The following ACO1 variants were observed in gnomAD, a reference collection of about 807,000 sequenced individuals.
The protein encoded by ACO1 is aconitase 1.
In ACO1, 78 loss-of-function variants were observed where a neutral mutation model predicts 105.1. That is an observed-to-expected ratio of 0.74 (90% CI 0.62 to 0.90). The LOEUF is 0.90. ACO1 is among the 40% of genes least tolerant of loss of function. The pLI, the probability that ACO1 is intolerant of heterozygous loss-of-function variation, is 0.00. For synonymous variants in ACO1, 364 were observed against 397.4 expected (o/e 0.92, Z 1.00); for missense variants, 965 against 1,111.1 (o/e 0.87, Z 1.87).
In ACO1 at chr9:32,436,400, G is replaced by A. The variant is rs775318604; in HGVS notation, c.2247+3G>A. 2 of 1,613,858 alleles carry A rather than the reference G, an allele frequency of 1.2e-6. No homozygotes were observed. Among genetic ancestry groups the A allele is most frequent in the East Asian group, 4.5e-5 (2 of 44,886 alleles). ...TCCATCTGCCTTCTGGGGAAATCGT[G>A]AGTATTGTCTTCTGCTTCCTGCAGA... On this transcript the variant is annotated splice_donor_region_variant and intron_variant, in intron 18 of 20. Transcript: ENST00000309951.
chr9:32,396,567 C>T (rs1272262831), intron 1 of ACO1, among the ~76,000 whole-genome samples: 1 of 152,178 alleles, frequency 6.6e-6, no homozygotes, highest in Non-Finnish European at 1.5e-5. Flanking sequence ...TGAGGTTACC[C>T]CTCCCTGGAT....
chr9:32,443,274 T>TA (rs903933924), intron 19 of ACO1, among the ~76,000 whole-genome samples: 8 of 151,762 alleles, frequency 5.3e-5, no homozygotes, highest in East Asian at 3.9e-4. Flanking sequence ...AAAGTTAATG[T>TA]AAAAAAAACG....
Position 32,440,506 on chromosome 9 carries a change from C to A in ACO1, c.2289C>A (p.Gly763=), listed in dbSNP as rs1822453849. 1.2e-6 allele frequency: 2 copies of A among 1,613,880 alleles called. No individual in the cohort carries two copies. The highest frequency in any genetic ancestry group is 1.1e-5 in the South Asian group (1 of 91,078). Residue 763 remains glycine (G), a synonymous_variant, in exon 19 of 21, where the codon GGC becomes GGA. Coordinates refer to ENST00000309951, the MANE Select transcript of ACO1 (RefSeq NM_002197.3). ...CTGCTGAGCGGTACCAGCAGGCAGG[C>A]CTTCCCCTGATCGTTCTGGCTGGCA... ...FDAAERYQQA[G]LPLIVLAGKE... is the part of the protein sequence containing the mutation.
intron 9 of ACO1, 51 bp downstream of exon 9, chr9:32,423,470 G>A (rs747514703): frequency 1.9e-5 from 24 of 1,244,982 alleles, no homozygotes; most frequent in South Asian, 4.1e-5. Flanking sequence ...TCAAGGCTGC[G>A]ATTTTAGTGG....
chr9:32,407,526 T>C (rs1821641913), intron 3 of ACO1, 97 bp downstream of exon 3: 8 of 1,148,918 alleles, frequency 7.0e-6, no homozygotes, highest in Middle Eastern at 4.7e-4. Context: ...AATGACTATA[T>C]ACTTTATTAA....
intron 13 of ACO1, among the ~76,000 whole-genome samples, chr9:32,429,996 T>G (rs1822190084): frequency 6.6e-6 from 1 of 152,236 alleles, no homozygotes; most frequent in African/African-American, 2.4e-5. Context: ...CTAAATTGCT[T>G]TGGCTTGATT....
At chr9:32,395,425 G>A (rs558126920) in intron 1 of ACO1, among the ~76,000 whole-genome samples, 13 of 152,260 alleles carry the variant, frequency 8.5e-5, no homozygotes, top group African/African-American at 2.4e-4. Context: ...GCAGTGAGCC[G>A]AGATTACGCC....
chr9:32,384,743 C>T lies in ACO1; in HGVS notation c.-23+8C>T, dbSNP rs1391605853. On this transcript the variant is annotated splice_region_variant and intron_variant, in intron 1 of 20. Coordinates refer to ENST00000309951, the MANE Select transcript of ACO1 (RefSeq NM_002197.3). ...CCCGCCGTGCAGTCGGAGGTGAGTA[C>T]CGACGCGGCCCGACCCACGTCCCCA... 2.6e-6 allele frequency: 1 copy of T among 388,152 alleles called. No individual in the cohort carries two copies. The highest frequency in any genetic ancestry group is 2.9e-5 in the Admixed American group (1 of 34,158). The allele number at this position is 388,152 out of a possible 1,614,324, so 24.0% of individuals were successfully genotyped here. A position where few individuals can be genotyped will look rare whatever the true frequency, so the allele number is the denominator to read the frequency against.
Position 32,449,001 on chromosome 9 carries a change from G to A in ACO1, c.2476G>A (p.Ala826Thr), listed in dbSNP as rs760980848. The A allele has an allele frequency of 1.6e-5, 26 of 1,614,166 alleles. No homozygotes were observed. Among genetic ancestry groups the A allele is most frequent in the Non-Finnish European group, 1.9e-5 (23 of 1,180,016 alleles). Residue 826 changes from alanine (A) to threonine (T), a missense_variant, in exon 20 of 21, where the codon GCC becomes ACC. By Grantham distance (58) the Ala-to-Thr change is moderately conservative. Transcript: ENST00000309951. ...LEYLPGENAD[A>T]LGLTGQERYT... ...ATATCTCCCTGGTGAGAATGCAGAT[G>A]CCCTGGGGCTCACAGGGCAAGAACG...
intron 14 of ACO1, among the ~76,000 whole-genome samples, 196 bp from the exon 15 acceptor site, chr9:32,431,523 G>A (rs1822234547): frequency 6.6e-6 from 1 of 152,182 alleles, no homozygotes; most frequent in African/African-American, 2.4e-5. Context: ...GCAAGGTTAT[G>A]TATTGATGGG....
intron 15 of ACO1, among the ~76,000 whole-genome samples, chr9:32,432,407 C>T (rs1587546504): frequency 6.6e-6 from 1 of 152,190 alleles, no homozygotes; most frequent in Admixed American, 6.5e-5. Flanking sequence ...GACCCAAGGG[C>T]TTCTGACTGC....
rs1253168185 is a variant in ACO1, at chr9:32,431,711, T to C, written c.1727-8T>C. 6.2e-7 allele frequency: 1 copy of C among 1,613,660 alleles called. No individual in the cohort carries two copies. On this transcript the variant is annotated splice_polypyrimidine_tract_variant and splice_region_variant and intron_variant, in intron 14 of 20. Transcript: ENST00000309951. ...AAGTTTTCTCATTAATAAACATTTTTTCCCCAGGAGTAAATGCAAAGGGAC... is the reference window on the plus strand; with the variant it reads ...AAGTTTTCTCATTAATAAACATTTTCTCCCCAGGAGTAAATGCAAAGGGAC...
intron 1 of ACO1, among the ~76,000 whole-genome samples, chr9:32,398,139 T>C (rs1821410520): frequency 1.3e-5 from 2 of 152,236 alleles, no homozygotes. Context: ...GGTCCATTAA[T>C]ACTATGCCTC....
chr9:32,449,922 G>A (rs1822718517), intron 20 of ACO1, 76 bp from the exon 21 acceptor site: 2 of 1,169,214 alleles, frequency 1.7e-6, no homozygotes, highest in East Asian at 2.3e-5. Flanking sequence ...CTGAGGGGCA[G>A]GCTGGGCAGA....
intron 8 of ACO1, among the ~76,000 whole-genome samples, chr9:32,422,458 G>A (rs1266894734): frequency 2.0e-5 from 3 of 152,174 alleles, no homozygotes; most frequent in Admixed American, 6.5e-5. Flanking sequence ...TTACAGTTCA[G>A]CTAAAACAAA....
At chr9:32,389,412 T>C (rs773075198) in intron 1 of ACO1, among the ~76,000 whole-genome samples, 6 of 152,214 alleles carry the variant, frequency 3.9e-5, no homozygotes, top group Non-Finnish European at 8.8e-5. Context: ...CCTGGTATGT[T>C]GAGGACAGTT....
chr9:32,418,268 G>A, intron 5 of ACO1, 60 bp from the exon 6 acceptor site: 2 of 1,612,500 alleles, frequency 1.2e-6, no homozygotes, highest in South Asian at 2.2e-5. Flanking sequence ...ATGCCAAGGA[G>A]ATGGGCTGAG....
At chr9:32,440,959 G>T (rs534035830) in intron 19 of ACO1, among the ~76,000 whole-genome samples, 43 of 152,234 alleles carry the variant, frequency 2.8e-4, no homozygotes, top group African/African-American at 9.9e-4. Flanking sequence ...ATTTATTCAG[G>T]TCCCTTGTTC....
Position 32,427,800 on chromosome 9 carries a change from C to T in ACO1, c.1484+364C>T, listed in dbSNP as rs75487909. 6.6e-3 allele frequency among the ~76,000 whole-genome samples: 1,000 copies of T among 152,308 alleles called. 44 individuals carry two copies. In the East Asian group the frequency reaches 0.12, roughly 19 times the overall value. ...AAGTTTCTTTCTTCAATAATGTAAA[C>T]CGTAGCTTACTTTTATTTTACAAAC... On this transcript the variant is annotated intron_variant, in intron 12 of 20. Transcript: ENST00000309951.
Sources: allele counts gnomAD v4.1 joint callset (sites outside exome capture counted in the v4.1 genomes callset), GRCh38; gene constraint gnomAD v4.1.1; transcripts MANE v1.5; gene names NCBI Gene and HGNC (gene_info 2026-07-23, HGNC 2026-07-21).